Variants in NINL observed in about 807,000 individuals in gnomAD.
The protein encoded by NINL is ninein-like protein.
Under a neutral mutation model 160.3 loss-of-function variants are expected in NINL, and 153 were observed. That is an observed-to-expected ratio of 0.95 (90% CI 0.84 to 1.09). NINL has a LOEUF of 1.09. Among genes scored for constraint, NINL ranks in the 50% least tolerant of loss-of-function variants. The pLI, the probability that NINL is intolerant of heterozygous loss-of-function variation, is 0.00. For missense variants in NINL, 1,829 were observed against 1,764.0 expected (o/e 1.04, Z -0.66); for synonymous variants, 800 against 734.8 (o/e 1.09, Z -1.43).
intron 1 of NINL, among the ~76,000 whole-genome samples, chr20:25,531,095 T>C (rs893740872): frequency 2.6e-5 from 4 of 152,214 alleles, no homozygotes; most frequent in African/African-American, 9.6e-5. Flanking sequence ...GCATTCTCTT[T>C]CTCAGGGATG....
intron 2 of NINL, among the ~76,000 whole-genome samples, chr20:25,519,142 T>C (rs1483191380): frequency 6.6e-6 from 1 of 151,910 alleles, no homozygotes; most frequent in African/African-American, 2.4e-5. Flanking sequence ...ATTTCCACTT[T>C]TGTACTGATT....
At chr20:25,566,464 C>T (rs2147153809) in intron 1 of NINL, among the ~76,000 whole-genome samples, 1 of 152,110 alleles carries the variant, frequency 6.6e-6, no homozygotes, top group East Asian at 1.9e-4. Flanking sequence ...CAGAACCCAC[C>T]TCAGATCTGA....
At chr20:25,531,242 A>G (rs2064454426) in intron 1 of NINL, among the ~76,000 whole-genome samples, 1 of 152,162 alleles carries the variant, frequency 6.6e-6, no homozygotes, top group Admixed American at 6.5e-5. Context: ...CATTGCTGTT[A>G]TCCTGTTCTT....
In NINL at chr20:25,499,054, T is replaced by G. The variant is rs1322714173; in HGVS notation, c.1033-708A>C. 8 of 985,466 alleles carry G rather than the reference T, an allele frequency of 8.1e-6. No individual in the cohort carries two copies. The East Asian group carries it at 9.1e-4, about 112-fold the overall frequency. 61.0% of individuals were successfully genotyped at this position (985,466 alleles called of 1,614,324 possible). ...TTTCCACTTGTGGCTACAAACGCCC[T>G]GCTCAGGCCGGCGGCAGGCACCATG... On this transcript the variant is annotated intron_variant, in intron 8 of 23. Transcript: ENST00000278886.
rs2064992735 is a variant in NINL, at chr20:25,565,789, TA to T, written c.-12+19665del. Among the ~76,000 whole-genome samples the T allele has an allele frequency of 2.0e-5, 3 of 152,170 alleles. No homozygotes were observed. The South Asian group carries it at 6.2e-4, about 32-fold the overall frequency. ...ACCCTCAATGTGGGCAGGTACCATC[TA>T]ATCTGCTGGGGGCCTGGAGAGAACA... is the stretch of plus-strand genomic sequence containing the variant. On this transcript the variant is annotated intron_variant, in intron 1 of 23. Coordinates refer to ENST00000278886, the MANE Select transcript of NINL (RefSeq NM_025176.6).
Position 25,512,915 on chromosome 20 carries a change from T to C in NINL, c.369A>G (p.Glu123=), listed in dbSNP as rs766058775. The C allele has an allele frequency of 2.5e-6, 4 of 1,614,218 alleles. No homozygotes were observed. Among genetic ancestry groups the C allele is most frequent in the Non-Finnish European group, 8.5e-7 (1 of 1,180,034 alleles). ...SRPELCDAAT[E]ARRVPEQQTQ... is the part of the protein sequence containing the mutation. The stretch of plus-strand genomic sequence containing the variant: ...TTTGCTGCTCCGGCACGCGTCTGGC[T>C]TCTGTGGCAGCGTCACATAGCTCAG... The change falls in exon 4 of 24, where the codon GAA becomes GAG. Residue 123 remains glutamate, a synonymous_variant. Coordinates refer to ENST00000278886, the MANE Select transcript of NINL (RefSeq NM_025176.6).
At chr20:25,557,841 A>ATACTG (rs2064886467) in intron 1 of NINL, among the ~76,000 whole-genome samples, 1 of 152,150 alleles carries the variant, frequency 6.6e-6, no homozygotes, top group Non-Finnish European at 1.5e-5. Flanking sequence ...AAAGATAAAT[A>ATACTG]TACTGGGCTG....
chr20:25,582,816 A>C (rs922593897), intron 1 of NINL, among the ~76,000 whole-genome samples: 7 of 152,212 alleles, frequency 4.6e-5, no homozygotes, highest in Admixed American at 6.5e-5. Flanking sequence ...ACTTAAAAAA[A>C]AAACAAACTC....
At chr20:25,581,833 A>G (rs2065178011) in intron 1 of NINL, among the ~76,000 whole-genome samples, 1 of 151,918 alleles carries the variant, frequency 6.6e-6, no homozygotes, top group South Asian at 2.1e-4. Flanking sequence ...AAAGACTTAC[A>G]ACATGCTCTT....
rs138824564 is a variant in NINL, at chr20:25,505,027, C to T, written c.569G>A (p.Cys190Tyr). ...CTCTGGGGTGTCAAAGGAGGGGCTG[C>T]AGGACTTCTGGGGGCTCCCAAAGTC... Reference protein sequence around the residue: ...SEDFGSPQKSCSPSFDTPESQ... With the variant: ...SEDFGSPQKSYSPSFDTPESQ... Residue 190 changes from cysteine (C) to tyrosine (Y), a missense_variant, in exon 6 of 24, where the codon TGC becomes TAC. Coordinates refer to ENST00000278886, the MANE Select transcript of NINL (RefSeq NM_025176.6). 3.4e-4 allele frequency: 545 copies of T among 1,612,090 alleles called. No homozygotes were observed. The highest frequency in any genetic ancestry group is 4.4e-4 in the Non-Finnish European group (513 of 1,179,052).
chr20:25,467,242 TGATG>T lies in NINL; in HGVS notation c.3423+143_3423+146del, dbSNP rs1262480503. 10 of 709,434 alleles carry T rather than the reference TGATG, an allele frequency of 1.4e-5. No individual in the cohort carries two copies. In the African/African-American group the frequency reaches 1.8e-4, roughly 13 times the overall value. The allele number at this position is 709,434 out of a possible 1,614,324, so 43.9% of individuals were successfully genotyped here. A position where few individuals can be genotyped will look rare whatever the true frequency, so the allele number is the denominator to read the frequency against. On this transcript the variant is annotated intron_variant, in intron 19 of 23. Coordinates refer to ENST00000278886, the MANE Select transcript of NINL (RefSeq NM_025176.6). ...CACAGCCGTGTTTAGTGTCTGACTT[TGATG>T]GGGCCTGGGGGCCAGTCAGCAACTC...
chr20:25,560,843 T>A (rs1018519877), intron 1 of NINL, among the ~76,000 whole-genome samples: 4 of 151,886 alleles, frequency 2.6e-5, no homozygotes, highest in Non-Finnish European at 5.9e-5. Flanking sequence ...ACAAAGATAG[T>A]AAAAATATCT....
chr20:25,469,140 GGGT>G (rs2146417573), intron 18 of NINL, among the ~76,000 whole-genome samples: 1 of 145,376 alleles, frequency 6.9e-6, no homozygotes, highest in South Asian at 2.2e-4. Context: ...TCTCACTGGT[GGGT>G]GCCCCACTGC....
intron 1 of NINL, among the ~76,000 whole-genome samples, chr20:25,563,059 A>C (rs540665194): frequency 7.9e-5 from 12 of 152,274 alleles, no homozygotes; most frequent in Non-Finnish European, 1.6e-4. Context: ...CCAGCTACTT[A>C]GGAGGCTGAG....
chr20:25,584,421 T>C (rs894709820), intron 1 of NINL, among the ~76,000 whole-genome samples: 5 of 152,084 alleles, frequency 3.3e-5, no homozygotes, highest in South Asian at 2.1e-4. Context: ...GATGGCGCCA[T>C]TGCACTCCAG....
Position 25,456,345 on chromosome 20 carries a change from C to T in NINL, c.3844-559G>A, listed in dbSNP as rs183102297. Among the ~76,000 whole-genome samples the T allele has an allele frequency of 6.6e-3, 975 of 147,826 alleles. 16 individuals are homozygous for T. The highest frequency in any genetic ancestry group is 0.023 in the African/African-American group (934 of 39,914). On this transcript the variant is annotated intron_variant, in intron 22 of 23. Transcript: ENST00000278886. ...GGCGGATTACCTGAGCTCAGGAGTTCGAGACCAGCCTGGGCAGCACAGTGA... is the reference window on the plus strand; with the variant it reads ...GGCGGATTACCTGAGCTCAGGAGTTTGAGACCAGCCTGGGCAGCACAGTGA...
chr20:25,514,920 ACAT>A (rs1028371916), intron 3 of NINL, among the ~76,000 whole-genome samples: 2 of 152,228 alleles, frequency 1.3e-5, no homozygotes. Flanking sequence ...ATATATGAAG[ACAT>A]CTGATGTCCA....
chr20:25,480,778 T>G (rs886461523), intron 14 of NINL, among the ~76,000 whole-genome samples: 10 of 152,200 alleles, frequency 6.6e-5, no homozygotes, highest in Non-Finnish European at 1.0e-4. Flanking sequence ...CACTAACCCC[T>G]GCTGGAATTA....
intron 13 of NINL, among the ~76,000 whole-genome samples, chr20:25,488,195 C>T (rs1218451612): frequency 5.3e-5 from 8 of 152,176 alleles, no homozygotes; most frequent in Admixed American, 6.5e-5. Context: ...ATGTGTGGCA[C>T]GCCGAGGTGT....
Sources: gnomAD v4.1 joint callset for allele counts (sites outside exome capture counted in the v4.1 genomes callset) on GRCh38, gnomAD v4.1.1 for gene constraint, MANE v1.5 for transcripts, NCBI Gene and HGNC (gene_info 2026-07-23, HGNC 2026-07-21) for gene names.